Variants in ABHD3 observed in about 807,000 individuals in gnomAD.
The protein encoded by ABHD3 is phospholipase ABHD3.
ABHD3 carries 46 observed loss-of-function variants against 48.8 expected under a neutral mutation model. The observed-to-expected ratio is 0.94, with a 90% confidence interval of 0.74 to 1.20. The LOEUF (loss-of-function observed/expected upper bound fraction) is 1.20, where lower values mean the gene tolerates loss of function less well. ABHD3 is among the 50% of genes most tolerant of loss of function. The probability of loss-of-function intolerance (pLI) is 0.00; values close to 1 mark genes in which losing one functional copy is unlikely to be tolerated. For missense variants in ABHD3, 490 were observed against 497.8 expected (o/e 0.98, Z 0.15); for synonymous variants, 192 against 183.7 (o/e 1.04, Z -0.36).
intron 3 of ABHD3, among the ~76,000 whole-genome samples, chr18:21,697,009 C>A (rs146757105): frequency 6.6e-6 from 1 of 152,214 alleles, no homozygotes; most frequent in African/African-American, 2.4e-5. Flanking sequence ...ACTCAATCCA[C>A]CAGTGAAGAT....
intron 4 of ABHD3, among the ~76,000 whole-genome samples, chr18:21,678,780 C>T (rs1021834275): frequency 2.0e-5 from 3 of 152,214 alleles, no homozygotes; most frequent in Non-Finnish European, 4.4e-5. Flanking sequence ...CTGAGGTTTG[C>T]TCTACTGAGA....
chr18:21,690,963 C>G (rs2040237793), intron 3 of ABHD3, among the ~76,000 whole-genome samples: 1 of 146,814 alleles, frequency 6.8e-6, no homozygotes, highest in Non-Finnish European at 1.5e-5. Flanking sequence ...CCATTGTACT[C>G]CAGCCCAGGT....
At chr18:21,677,718 T>G (rs2039917116) in intron 4 of ABHD3, among the ~76,000 whole-genome samples, 1 of 151,938 alleles carries the variant, frequency 6.6e-6, no homozygotes, top group Non-Finnish European at 1.5e-5. Context: ...GGAGTCTTGC[T>G]CTGTCGCCAG....
chr18:21,696,100 G>A (rs2040364071), intron 3 of ABHD3, among the ~76,000 whole-genome samples: 1 of 150,174 alleles, frequency 6.7e-6, no homozygotes, highest in Non-Finnish European at 1.5e-5. Flanking sequence ...ATTTTAAAAA[G>A]TCAAAAGATG....
chr18:21,657,949 G>C (rs1445247321), intron 6 of ABHD3, among the ~76,000 whole-genome samples: 1 of 152,124 alleles, frequency 6.6e-6, no homozygotes. Flanking sequence ...TGTAGTCCTA[G>C]CACTTTGGGA....
chr18:21,667,078 T>A (rs1396986664), intron 4 of ABHD3, among the ~76,000 whole-genome samples: 2 of 98,270 alleles, frequency 2.0e-5, no homozygotes, highest in East Asian at 2.6e-4. Context: ...GAAAATTACA[T>A]TTTTTTTTTT....
chr18:21,685,768 G>A (rs527412559), intron 3 of ABHD3, among the ~76,000 whole-genome samples: 401 of 152,244 alleles, frequency 2.6e-3, no homozygotes, highest in African/African-American at 9.3e-3. Context: ...CATGATCTCG[G>A]CTCAATGCAA....
Position 21,704,625 on chromosome 18 carries a change from T to C in ABHD3, c.41A>G (p.Glu14Gly), listed in dbSNP as rs772994168. Residue 14 changes from glutamate to glycine, a missense_variant, in exon 1 of 9, where the codon GAG becomes GGG. Coordinates refer to ENST00000289119, the MANE Select transcript of ABHD3 (RefSeq NM_138340.5). ...TTGGTGTTCCAGGTAGAGGGAGAGC[T>C]CCCGGGACAACATCCGCAGGTCCAT... is the stretch of plus-strand genomic sequence containing the variant. ...LAMDLRMLSR[E>G]LSLYLEHQVR... 1 of 1,546,714 alleles carries C rather than the reference T, an allele frequency of 6.5e-7. No individual in the cohort carries two copies. The highest frequency in any genetic ancestry group is 8.7e-7 in the Non-Finnish European group (1 of 1,149,320).
At chr18:21,663,747 G>C in intron 5 of ABHD3, 1 of 1,535,568 alleles carries the variant, frequency 6.5e-7, no homozygotes, top group Non-Finnish European at 8.7e-7. Flanking sequence ...TGTAACTGGA[G>C]TGATGAAAGT....
chr18:21,683,878 T>A (rs960922157), intron 4 of ABHD3, 42 bp downstream of exon 4: 42 of 1,517,116 alleles, frequency 2.8e-5, no homozygotes, highest in Non-Finnish European at 3.7e-5. Context: ...CTAGAAATGA[T>A]TCTTTAAAAA....
chr18:21,702,782 T>G (rs115482183), intron 2 of ABHD3, among the ~76,000 whole-genome samples: 2,877 of 152,236 alleles, frequency 0.019, 93 homozygotes, highest in African/African-American at 0.065. Flanking sequence ...CTCCAAAACA[T>G]CCAGCATTTA....
intron 2 of ABHD3, among the ~76,000 whole-genome samples, chr18:21,703,316 A>T (rs1388757186): frequency 6.7e-6 from 1 of 149,774 alleles, no homozygotes; most frequent in Non-Finnish European, 1.5e-5. Flanking sequence ...GCGAGACAGT[A>T]ATCCCCAAAC....
chr18:21,681,544 C>T (rs1033784214), intron 4 of ABHD3, among the ~76,000 whole-genome samples: 2 of 152,142 alleles, frequency 1.3e-5, no homozygotes, highest in African/African-American at 4.8e-5. Context: ...CCTTCCCCTC[C>T]ATCTCTTTCT....
intron 3 of ABHD3, among the ~76,000 whole-genome samples, chr18:21,690,295 TA>T (rs970937517): frequency 8.8e-5 from 13 of 147,682 alleles, no homozygotes; most frequent in African/African-American, 1.5e-4. Context: ...TGAAACAATA[TA>T]AAAAAAAAAC....
At chr18:21,655,284 G>GTTT (rs1296017863) in intron 8 of ABHD3, among the ~76,000 whole-genome samples, 4 of 127,728 alleles carry the variant, frequency 3.1e-5, no homozygotes, top group Non-Finnish European at 5.0e-5. Context: ...GAGAGAAAAA[G>GTTT]TTTTTTTTTT....
Position 21,651,471 on chromosome 18 carries a change from TG to T in ABHD3, c.*119del. The T allele has an allele frequency of 8.6e-7, 1 of 1,166,072 alleles. No homozygotes were observed. Among genetic ancestry groups the T allele is most frequent in the Non-Finnish European group, 1.2e-6 (1 of 835,208 alleles). The allele number at this position is 1,166,072 out of a possible 1,614,324, so 72.2% of individuals were successfully genotyped here. Reference sequence around the variant, plus strand: ...AAAAAGTAGTTTTTGCATATCATTCTGGACCTCTTCACCCATCTGCTGGCTT... The same window carrying T: ...AAAAAGTAGTTTTTGCATATCATTCTGACCTCTTCACCCATCTGCTGGCTT... On this transcript the variant is annotated 3_prime_UTR_variant, in exon 9 of 9. Transcript: ENST00000289119.
rs772129502 is a variant in ABHD3 at position 21,651,563 on chromosome 18, A to G, written c.*28T>C. 8 of 1,612,528 alleles carry G rather than the reference A, an allele frequency of 5.0e-6. No individual in the cohort carries two copies. In the Admixed American group the frequency reaches 6.7e-5, roughly 14 times the overall value. On this transcript the variant is annotated 3_prime_UTR_variant, in exon 9 of 9. Coordinates refer to ENST00000289119, the MANE Select transcript of ABHD3 (RefSeq NM_138340.5). ...TGAGCTGCCTTCACAATTGTGGTTC[A>G]GACAAAATGCACCCAAAGAACTACA... is the stretch of plus-strand genomic sequence containing the variant.
chr18:21,702,316 C>A lies in ABHD3; in HGVS notation c.509G>T (p.Arg170Ile). The A allele has an allele frequency of 6.3e-7, 1 of 1,579,136 alleles. No individual in the cohort carries two copies. Among genetic ancestry groups the A allele is most frequent in the Non-Finnish European group, 8.6e-7 (1 of 1,159,722 alleles). The change falls in exon 3 of 9, where the codon AGA becomes ATA. Residue 170 changes from arginine to isoleucine, a missense_variant and splice_region_variant. Arg to Ile is a moderately conservative substitution (Grantham distance 97, BLOSUM62 -3). Coordinates refer to ENST00000289119, the MANE Select transcript of ABHD3 (RefSeq NM_138340.5). ...AAAAAAAGAAATCTTTTACTGGTAC[C>A]TGTATCCTAATTCTTCACTAAGATG... ...MIHLSEELGY[R>I]CVVFNNRGVA...
intron 3 of ABHD3, among the ~76,000 whole-genome samples, chr18:21,686,952 G>A (rs1038185040): frequency 2.0e-5 from 3 of 152,144 alleles, no homozygotes; most frequent in African/African-American, 7.2e-5. Flanking sequence ...AGGTCTCACT[G>A]TTGCCCAGGC....
Sources: allele counts gnomAD v4.1 joint callset (sites outside exome capture counted in the v4.1 genomes callset), GRCh38; gene constraint gnomAD v4.1.1; transcripts MANE v1.5; gene names NCBI Gene and HGNC (gene_info 2026-07-23, HGNC 2026-07-21).